PHF20: variants seen among roughly 807,000 people sequenced by gnomAD.
The protein encoded by PHF20 is PHD finger protein 20, also known as glioma-expressed antigen 2.
Under a neutral mutation model 113.5 loss-of-function variants are expected in PHF20, and 23 were observed. That is an observed-to-expected ratio of 0.20 (90% CI 0.15 to 0.29). The LOEUF (loss-of-function observed/expected upper bound fraction) is 0.29, where lower values mean the gene tolerates loss of function less well. Ranked by LOEUF, PHF20 falls within the 10% of genes least tolerant of loss-of-function variation. The pLI, the probability that PHF20 is intolerant of heterozygous loss-of-function variation, is 1.00. For synonymous variants in PHF20, 434 were observed against 457.3 expected (o/e 0.95, Z 0.65); for missense variants, 943 against 1,219.6 (o/e 0.77, Z 3.38).
intron 9 of PHF20, among the ~76,000 whole-genome samples, chr20:35,877,875 C>A (rs1170425582): frequency 6.6e-6 from 1 of 152,216 alleles, no homozygotes; most frequent in Admixed American, 6.5e-5. Context: ...CCCATGAAAT[C>A]TTGCTGTGTT....
At chr20:35,856,026 G>T (rs1291657108) in intron 4 of PHF20, among the ~76,000 whole-genome samples, 2 of 151,902 alleles carry the variant, frequency 1.3e-5, no homozygotes, top group East Asian at 1.9e-4. Flanking sequence ...TCACCCTGTT[G>T]TGCTAGCAAA....
intron 2 of PHF20, among the ~76,000 whole-genome samples, chr20:35,835,040 G>T (rs909140976): frequency 6.6e-6 from 1 of 152,164 alleles, no homozygotes; most frequent in Non-Finnish European, 1.5e-5. Flanking sequence ...ACTTTGGGAG[G>T]CTGAGGCGGG....
chr20:35,876,340 G>T (rs1299339267), intron 9 of PHF20, among the ~76,000 whole-genome samples: 1 of 151,854 alleles, frequency 6.6e-6, no homozygotes, highest in Non-Finnish European at 1.5e-5. Context: ...GGAGGCCGAG[G>T]TGGGCAGATC....
intron 2 of PHF20, among the ~76,000 whole-genome samples, chr20:35,816,813 A>G (rs2042083785): frequency 7.2e-6 from 1 of 138,788 alleles, no homozygotes; most frequent in Admixed American, 7.5e-5. Context: ...CTTCTTTGAG[A>G]TGGAGTCTTG....
chr20:35,934,478 G>T (rs768903337), intron 15 of PHF20, among the ~76,000 whole-genome samples: 2 of 152,198 alleles, frequency 1.3e-5, no homozygotes, highest in Non-Finnish European at 2.9e-5. Flanking sequence ...TCTGTCTTAC[G>T]GCTCCAGCAT....
intron 10 of PHF20, among the ~76,000 whole-genome samples, chr20:35,905,345 A>C (rs755552499): frequency 1.3e-5 from 2 of 152,150 alleles, no homozygotes; most frequent in Admixed American, 6.5e-5. Context: ...CTGTGAATTG[A>C]ATTGTGTCCT....
At chr20:35,917,448 C>G in intron 12 of PHF20, 36 bp from the exon 13 acceptor site, 3 of 1,558,878 alleles carry the variant, frequency 1.9e-6, no homozygotes, top group South Asian at 2.3e-5. Context: ...ATTTTATAAC[C>G]TAAAATAGTA....
intron 2 of PHF20, among the ~76,000 whole-genome samples, chr20:35,810,794 C>T (rs1190619552): frequency 6.6e-6 from 1 of 152,164 alleles, no homozygotes; most frequent in Non-Finnish European, 1.5e-5. Context: ...ATCTAGAGTA[C>T]TGGACATTTA....
chr20:35,780,560 T>G (rs1302178530), intron 1 of PHF20, among the ~76,000 whole-genome samples: 5 of 149,006 alleles, frequency 3.4e-5, no homozygotes, highest in Non-Finnish European at 5.9e-5. Context: ...TCTTTTTTTT[T>G]TTTTGAGACA....
chr20:35,914,088 G>A lies in PHF20; in HGVS notation c.1716G>A (p.Lys572=). The change falls in exon 12 of 18, where the codon AAG becomes AAA. Residue 572 remains lysine, a synonymous_variant. Transcript: ENST00000374012. ...SDTSQEPSPP[K]AFAVTRCGSS... Reference sequence around the variant, plus strand: ...CCTCCCAGGAACCTTCTCCACCCAAGGCATTTGCTGTTACCAGGTGTGGGT... The same window carrying A: ...CCTCCCAGGAACCTTCTCCACCCAAAGCATTTGCTGTTACCAGGTGTGGGT... 2 of 1,614,168 alleles carry A rather than the reference G, an allele frequency of 1.2e-6. No homozygotes were observed. Among genetic ancestry groups the A allele is most frequent in the Non-Finnish European group, 8.5e-7 (1 of 1,180,018 alleles).
At chr20:35,849,290 A>G (rs890637317) in intron 4 of PHF20, 1 of 379,090 alleles carries the variant, frequency 2.6e-6, no homozygotes, top group Non-Finnish European at 5.3e-6. Context: ...TAATGCCTCT[A>G]AGAGGGGTGG....
chr20:35,836,511 T>A (rs964218513), intron 2 of PHF20, among the ~76,000 whole-genome samples: 1 of 152,190 alleles, frequency 6.6e-6, no homozygotes, highest in Non-Finnish European at 1.5e-5. Flanking sequence ...AAACATAATA[T>A]TCATGAAGCT....
At chr20:35,824,384 G>A (rs1246857051) in intron 2 of PHF20, among the ~76,000 whole-genome samples, 3 of 152,046 alleles carry the variant, frequency 2.0e-5, no homozygotes, top group Non-Finnish European at 4.4e-5. Context: ...TGAGGTGGGC[G>A]GATCACAAGG....
At chr20:35,916,938 T>C (rs1421185299) in intron 12 of PHF20, among the ~76,000 whole-genome samples, 2 of 152,140 alleles carry the variant, frequency 1.3e-5, no homozygotes, top group East Asian at 3.8e-4. Flanking sequence ...ATTTTTTTTT[T>C]CTTTTAGTGG....
chr20:35,926,475 G>C (rs991569536), intron 13 of PHF20, among the ~76,000 whole-genome samples: 4 of 151,866 alleles, frequency 2.6e-5, no homozygotes. Flanking sequence ...TCCTGACCTC[G>C]TGATCCGCCC....
At chr20:35,856,763 T>C (rs1055977038) in intron 4 of PHF20, among the ~76,000 whole-genome samples, 1 of 152,122 alleles carries the variant, frequency 6.6e-6, no homozygotes, top group Non-Finnish European at 1.5e-5. Flanking sequence ...GATCAGTGAG[T>C]GGCACATTCC....
intron 9 of PHF20, among the ~76,000 whole-genome samples, chr20:35,874,007 T>C (rs1053189947): frequency 2.6e-5 from 4 of 152,256 alleles, no homozygotes; most frequent in African/African-American, 4.8e-5. Context: ...CATTTCACTC[T>C]TGTTGCCCAG....
At chr20:35,934,410 G>C (rs920976886) in intron 15 of PHF20, among the ~76,000 whole-genome samples, 1 of 152,238 alleles carries the variant, frequency 6.6e-6, no homozygotes, top group Non-Finnish European at 1.5e-5. Context: ...AGGGATCTAG[G>C]CTAGGTAGGA....
chr20:35,859,567 C>CA, intron 5 of PHF20, among the ~76,000 whole-genome samples: 1 of 149,486 alleles, frequency 6.7e-6, no homozygotes, highest in Middle Eastern at 3.4e-3. Context: ...TTTTTGGAGA[C>CA]AGAGTCTTGT....
Sources: allele counts gnomAD v4.1 joint callset (sites outside exome capture counted in the v4.1 genomes callset), GRCh38; gene constraint gnomAD v4.1.1; transcripts MANE v1.5; gene names NCBI Gene and HGNC (gene_info 2026-07-23, HGNC 2026-07-21).